The following LSS variants were observed in gnomAD, a reference collection of about 807,000 sequenced individuals.
LSS encodes lanosterol synthase, also known as 2,3-epoxysqualene-lanosterol cyclase.
A neutral mutation model predicts 110.3 loss-of-function variants in LSS; 90 were observed. That is an observed-to-expected ratio of 0.82 (90% CI 0.69 to 0.97). The LOEUF (loss-of-function observed/expected upper bound fraction) is 0.97, where lower values mean the gene tolerates loss of function less well. Ranked by LOEUF, LSS falls within the 50% of genes least tolerant of loss-of-function variation. LSS has a pLI of 0.00. For missense variants in LSS, 927 were observed against 990.0 expected (o/e 0.94, Z 0.85); for synonymous variants, 433 against 400.0 (o/e 1.08, Z -0.98).
Position 46,206,823 on chromosome 21 carries a change from G to GCC in LSS, c.1468-57_1468-56dup. 3 of 1,334,330 alleles carry GCC rather than the reference G, an allele frequency of 2.2e-6. No homozygotes were observed. In the South Asian group the frequency reaches 3.5e-5, roughly 16 times the overall value. 82.7% of individuals were successfully genotyped at this position (1,334,330 alleles called of 1,614,324 possible). On this transcript the variant is annotated intron_variant, in intron 15 of 21. Transcript: ENST00000397728. ...GCCCATGTGCTGAGCACACACAGGC[G>GCC]CCCAGGGCACAGCGGAACTCTCTAG... is the stretch of plus-strand genomic sequence containing the variant.
intron 20 of LSS, chr21:46,192,961 G>A (rs1310817685): frequency 2.5e-6 from 1 of 403,864 alleles, no homozygotes; most frequent in East Asian, 8.1e-5. Flanking sequence ...GTATGGCACA[G>A]ATGGGATACT....
Position 46,210,107 on chromosome 21 carries a change from C to T in LSS, c.1195-482G>A, listed in dbSNP as rs145656373. The stretch of plus-strand genomic sequence containing the variant: ...TTTGAGACGGAGCCTCTCTCTGTCA[C>T]CCAGGCTGGAGTGCAGTGGCACAAT... On this transcript the variant is annotated intron_variant, in intron 12 of 21. Transcript: ENST00000397728. 6.3e-3 allele frequency among the ~76,000 whole-genome samples: 897 copies of T among 143,264 alleles called. 8 individuals are homozygous for T. The highest frequency in any genetic ancestry group is 0.022 in the African/African-American group (840 of 38,214). The allele number at this position is 143,264 out of a possible 152,430, so 94.0% of individuals were successfully genotyped here.
rs117952529 is a variant in LSS, at chr21:46,219,082, G to A, written c.647+394C>T. Among the ~76,000 whole-genome samples, 40 of 152,196 alleles carry A rather than the reference G, an allele frequency of 2.6e-4. 1 individual carries two copies. In the East Asian group the frequency reaches 4.8e-3, roughly 18 times the overall value. The stretch of plus-strand genomic sequence containing the variant: ...GAGTCCACAGGTGAGGTGTCACGTC[G>A]GGACACACTTCACATTCACCAGCAA... On this transcript the variant is annotated intron_variant, in intron 6 of 21. Transcript: ENST00000397728.
rs373018005 is a variant in LSS at position 46,222,719 on chromosome 21, G to T, written c.339C>A (p.His113Gln). ...CGGCTGGCAGAGGGATGCGTGCCAC[G>T]TGGCAAGTGATCAGGAGGCCTGTGT... ...FLLPGLLITCHVARIPLPAGY... is the reference protein window; with the variant it reads ...FLLPGLLITCQVARIPLPAGY... The change falls in exon 4 of 22, where the codon CAC becomes CAA. Residue 113 changes from histidine to glutamine, a missense_variant. Transcript: ENST00000397728. 16 of 1,613,588 alleles carry T rather than the reference G, an allele frequency of 9.9e-6. No homozygotes were observed. The highest frequency in any genetic ancestry group is 1.3e-5 in the African/African-American group (1 of 74,942).
At chr21:46,222,885 C>A (rs1219046534) in intron 3 of LSS, 147 bp from the exon 4 acceptor site, 1 of 646,834 alleles carries the variant, frequency 1.5e-6, no homozygotes, top group African/African-American at 1.8e-5. Context: ...CCTCCCAGGC[C>A]CCCATGGGGA....
At position 46,222,457 on chromosome 21, in the gene LSS, ACCTGCATGGCCTTCAGCCCACTCCCCG is replaced by A. The variant is rs1342142876; in HGVS notation, c.428+146_428+172del. 3 of 595,592 alleles carry A rather than the reference ACCTGCATGGCCTTCAGCCCACTCCCCG, an allele frequency of 5.0e-6. No individual in the cohort carries two copies. The African/African-American group carries it at 5.6e-5, about 11-fold the overall frequency. 36.9% of individuals were successfully genotyped at this position (595,592 alleles called of 1,614,324 possible). A position where few individuals can be genotyped will look rare whatever the true frequency, so the allele number is the denominator to read the frequency against. ...ACAAAAGATGTGAAGCCGAGGCCCC[ACCTGCATGGCCTTCAGCCCACTCCCCG>A]CCTGCTAGTCTCTCCCTCACCCACC... On this transcript the variant is annotated intron_variant, in intron 4 of 21. Coordinates refer to ENST00000397728, the MANE Select transcript of LSS (RefSeq NM_002340.6).
At chr21:46,220,733 A>AGGAGAGGTAGCCAGGCCGGGCAT (rs372380531) in intron 5 of LSS, among the ~76,000 whole-genome samples, 129 of 152,226 alleles carry the variant, frequency 8.5e-4, no homozygotes, top group Non-Finnish European at 1.5e-3. Flanking sequence ...TATAGGCAAG[A>AGGAGAGGTAGCCAGGCCGGGCAT]GGAGAGGTAG....
intron 2 of LSS, among the ~76,000 whole-genome samples, chr21:46,227,966 A>C (rs947758233): frequency 6.6e-6 from 1 of 152,206 alleles, no homozygotes; most frequent in Non-Finnish European, 1.5e-5. Flanking sequence ...CCCAGACTGT[A>C]GGGTGGGGCA....
Position 46,189,273 on chromosome 21 carries a change from G to A in LSS, c.*1831C>T, listed in dbSNP as rs2079770520. The A allele has an allele frequency of 4.4e-6, 1 of 228,254 alleles. No individual in the cohort carries two copies. Among genetic ancestry groups the A allele is most frequent in the South Asian group, 5.7e-5 (1 of 17,494 alleles). 14.1% of individuals were successfully genotyped at this position (228,254 alleles called of 1,614,324 possible). On this transcript the variant is annotated 3_prime_UTR_variant, in exon 22 of 22. Transcript: ENST00000397728. ...ACCATGGCTAGGAGTCCCAGGGACA[G>A]CAGCCTCTGCTCAGGGCAGACTCTG...
rs76012295 is a variant in LSS at position 46,200,359 on chromosome 21, G to A, written c.1671-4092C>T. On this transcript the variant is annotated intron_variant, in intron 17 of 21. Coordinates refer to ENST00000397728, the MANE Select transcript of LSS (RefSeq NM_002340.6). Reference sequence around the variant, plus strand: ...GTATAAGTATGATGAGAAATAGGACGTTTACATAGTCTAAAACTGTCTCCC... The same window carrying A: ...GTATAAGTATGATGAGAAATAGGACATTTACATAGTCTAAAACTGTCTCCC... Among the ~76,000 whole-genome samples the A allele has an allele frequency of 8.9e-3, 1,358 of 151,996 alleles. 28 individuals carry two copies. Among genetic ancestry groups the A allele is most frequent in the African/African-American group, 0.032 (1,308 of 41,456 alleles).
chr21:46,228,718 G>A lies in LSS; in HGVS notation c.14+14C>T. On this transcript the variant is annotated intron_variant, in intron 1 of 21. Coordinates refer to ENST00000397728, the MANE Select transcript of LSS (RefSeq NM_002340.6). ...ACCCCGCATTCGTCAGGAGCCCGGG[G>A]CGAGGGGACTCACGTGCCCTCCGTC... The A allele has an allele frequency of 1.2e-6, 2 of 1,602,064 alleles. No homozygotes were observed. The highest frequency in any genetic ancestry group is 1.7e-6 in the Non-Finnish European group (2 of 1,179,118).
At chr21:46,202,493 G>C (rs1237003930) in intron 17 of LSS, among the ~76,000 whole-genome samples, 1 of 151,860 alleles carries the variant, frequency 6.6e-6, no homozygotes, top group African/African-American at 2.4e-5. Flanking sequence ...ACTCCCTAAA[G>C]AGATAAAAAG....
At position 46,216,017 on chromosome 21, in the gene LSS, C is replaced by T. The variant is rs1456284482; in HGVS notation, c.784-224G>A. Among the ~76,000 whole-genome samples, 2 of 152,164 alleles carry T rather than the reference C, an allele frequency of 1.3e-5. No homozygotes were observed. The highest frequency in any genetic ancestry group is 2.4e-5 in the African/African-American group (1 of 41,436). ...CATGAGTCCCAGGTCTGCCCAGAAGCTCATTTCCTCCCTCTGCCCCTCCTT... is the reference window on the plus strand; with the variant it reads ...CATGAGTCCCAGGTCTGCCCAGAAGTTCATTTCCTCCCTCTGCCCCTCCTT... On this transcript the variant is annotated intron_variant, in intron 7 of 21. Coordinates refer to ENST00000397728, the MANE Select transcript of LSS (RefSeq NM_002340.6). This position sits in a 1 kb window ranked among gnomAD's most constrained non-coding sequence, Gnocchi z 4.2.
rs1363058853 is a variant in LSS, at chr21:46,193,536, A to G, written c.1988+955T>C. 18 of 425,798 alleles carry G rather than the reference A, an allele frequency of 4.2e-5. No homozygotes were observed. In the East Asian group the frequency reaches 1.4e-3, roughly 32 times the overall value. 26.4% of individuals were successfully genotyped at this position (425,798 alleles called of 1,614,324 possible). On this transcript the variant is annotated intron_variant, in intron 20 of 21. Coordinates refer to ENST00000397728, the MANE Select transcript of LSS (RefSeq NM_002340.6). ...TGTGTGCATCTGTCTCCATGTACCT[A>G]CGTCTGTGTGTGGCACAGATGGGAT...
intron 1 of LSS, 22 bp from the exon 2 acceptor site, chr21:46,228,621 C>A (rs773654056): frequency 6.3e-7 from 1 of 1,591,794 alleles, no homozygotes; most frequent in Non-Finnish European, 8.5e-7. Context: ...CGGCCATCAG[C>A]GACCCAGGCC....
At chr21:46,212,379 T>G (rs1043134723) in intron 11 of LSS, among the ~76,000 whole-genome samples, 2 of 152,220 alleles carry the variant, frequency 1.3e-5, no homozygotes, top group African/African-American at 4.8e-5. Context: ...GTAACCCTCC[T>G]TAGACCACAA....
In LSS at chr21:46,209,739, A is replaced by C. The variant is rs2080104393; in HGVS notation, c.1195-114T>G. 2.5e-6 allele frequency: 2 copies of C among 810,640 alleles called. No individual in the cohort carries two copies. The highest frequency in any genetic ancestry group is 3.4e-5 in the African/African-American group (2 of 58,594). 50.2% of individuals were successfully genotyped at this position (810,640 alleles called of 1,614,324 possible). On this transcript the variant is annotated intron_variant, in intron 12 of 21. Transcript: ENST00000397728. The surrounding 1 kb of genome is among the most constrained non-coding windows in gnomAD (Gnocchi z 4.4). ...TGCCCCAACCGGGGACCAGAATCAA[A>C]CCAGCAGACATCTCCAGAGAGTGCC... is the stretch of plus-strand genomic sequence containing the variant.
At chr21:46,212,978 G>T (rs761264037) in intron 11 of LSS, 47 bp downstream of exon 11, 33 of 1,610,560 alleles carry the variant, frequency 2.0e-5, no homozygotes, top group Non-Finnish European at 2.5e-5. Flanking sequence ...ATAAAGGGGA[G>T]ACATGATTGC....
chr21:46,206,886 A>T, intron 15 of LSS, 118 bp from the exon 16 acceptor site: 1 of 750,022 alleles, frequency 1.3e-6, no homozygotes, highest in African/African-American at 1.7e-5. Flanking sequence ...GGGCAGGAAC[A>T]GGGGGCGGAG....
Sources: gnomAD v4.1 joint callset for allele counts (sites outside exome capture counted in the v4.1 genomes callset) on GRCh38, gnomAD v4.1.1 for gene constraint, Gnocchi (gnomAD v3.1) non-coding constraint, MANE v1.5 for transcripts, NCBI Gene and HGNC (gene_info 2026-07-23, HGNC 2026-07-21) for gene names.